KCNS2: variants seen among roughly 807,000 people sequenced by gnomAD.
KCNS2 encodes potassium voltage-gated channel modifier subfamily S member 2, also known as delayed-rectifier potassium channel regulatory subunit KCNS2.
Under a neutral mutation model 28.3 loss-of-function variants are expected in KCNS2, and 15 were observed. The ratio of observed to expected loss-of-function variants is 0.53; its 90% CI spans 0.35 to 0.82. KCNS2 has a LOEUF of 0.82. Among genes scored for constraint, KCNS2 ranks in the 40% least tolerant of loss-of-function variants. The probability of loss-of-function intolerance (pLI) is 0.01; values close to 1 mark genes in which losing one functional copy is unlikely to be tolerated. For missense variants in KCNS2, 501 were observed against 617.1 expected (o/e 0.81, Z 1.99); for synonymous variants, 254 against 256.7 (o/e 0.99, Z 0.10).
rs888298701 is a variant in KCNS2, at chr8:98,427,246, C to A, written c.-126C>A. The A allele has an allele frequency of 2.6e-5, 4 of 151,262 alleles. No homozygotes were observed. The highest frequency in any genetic ancestry group is 4.8e-5 in the African/African-American group (2 of 41,316). The allele number at this position is 151,262 out of a possible 1,614,324, so 9.4% of individuals were successfully genotyped here. ...CTCGCACCCGCGCACGCACCGCCAG[C>A]AGGCAGCGGCCACCGCCGCGATGCT... On this transcript the variant is annotated 5_prime_UTR_variant, in exon 1 of 2. Coordinates refer to ENST00000287042, the MANE Select transcript of KCNS2 (RefSeq NM_020697.4).
In KCNS2 at chr8:98,428,697, T is replaced by C. The variant is rs1441866449; in HGVS notation, c.718T>C (p.Phe240Leu). 3 of 1,614,096 alleles carry C rather than the reference T, an allele frequency of 1.9e-6. No individual in the cohort carries two copies. The highest frequency in any genetic ancestry group is 1.7e-6 in the Non-Finnish European group (2 of 1,180,052). The change falls in exon 2 of 2, where the codon TTT (phenylalanine) becomes CTT (leucine). Residue 240 changes from phenylalanine (F) to leucine (L), a missense_variant. Transcript: ENST00000287042. The surrounding 1 kb of genome is among the most constrained non-coding windows in gnomAD (Gnocchi z 6.7). ...GCACTTTGGCATTGCCTGGTTCACATTTGAGCTGGTGGCCAGGTTTGCTGT... is the reference window on the plus strand; with the variant it reads ...GCACTTTGGCATTGCCTGGTTCACACTTGAGCTGGTGGCCAGGTTTGCTGT... ...VEHFGIAWFTFELVARFAVAP... is the reference protein window; with the variant it reads ...VEHFGIAWFTLELVARFAVAP...
rs1818339737 is a variant in KCNS2, at chr8:98,431,918, G to A, written c.*2505G>A. 6.0e-6 allele frequency: 1 copy of A among 167,076 alleles called. No individual in the cohort carries two copies. Among genetic ancestry groups the A allele is most frequent in the Admixed American group, 6.5e-5 (1 of 15,280 alleles). 10.3% of individuals were successfully genotyped at this position (167,076 alleles called of 1,614,324 possible). A position where few individuals can be genotyped will look rare whatever the true frequency, so the allele number is the denominator to read the frequency against. ...TTTACTCACTTCTGAGCATGAGAAT[G>A]TCCCAATAGCATTGAGTTTTTCAAG... On this transcript the variant is annotated 3_prime_UTR_variant, in exon 2 of 2. Coordinates refer to ENST00000287042, the MANE Select transcript of KCNS2 (RefSeq NM_020697.4).
rs760414695 is a variant in KCNS2 at position 98,428,031 on chromosome 8, G to C, written c.52G>C (p.Glu18Gln). Residue 18 changes from glutamate (E) to glutamine (Q), a missense_variant, in exon 2 of 2, where the codon GAG (glutamate) becomes CAG (glutamine). Physicochemically the swap from Glu to Gln is conservative, Grantham distance 29. Transcript: ENST00000287042. The surrounding 1 kb of genome is among the most constrained non-coding windows in gnomAD (Gnocchi z 6.7). ...GTCGGAGGCTAACGTCGAGGACGGG[G>C]AGATCCGCATCAATGTGGGCGGCTT... ...DVSEANVEDGEIRINVGGFKR... is the reference protein window; with the variant it reads ...DVSEANVEDGQIRINVGGFKR... The C allele has an allele frequency of 6.2e-7, 1 of 1,606,694 alleles. No individual in the cohort carries two copies. Among genetic ancestry groups the C allele is most frequent in the South Asian group, 1.1e-5 (1 of 90,270 alleles).
chr8:98,428,295 G>C lies in KCNS2; in HGVS notation c.316G>C (p.Glu106Gln), dbSNP rs373045610. 1 of 1,614,104 alleles carries C rather than the reference G, an allele frequency of 6.2e-7. No individual in the cohort carries two copies. The highest frequency in any genetic ancestry group is 2.2e-5 in the East Asian group (1 of 44,880). Residue 106 changes from glutamate (E) to glutamine (Q), a missense_variant, in exon 2 of 2, where the codon GAG becomes CAG. Physicochemically the swap from Glu to Gln is conservative, Grantham distance 29 (BLOSUM62 2). Transcript: ENST00000287042. This position sits in a 1 kb window ranked among gnomAD's most constrained non-coding sequence, Gnocchi z 6.7. ...LCVFSFSQEI[E>Q]YWGINEFFID... ...TGTCTTCTCCTTCAGCCAGGAGATC[G>C]AGTACTGGGGCATCAACGAGTTCTT...
In KCNS2 at chr8:98,428,206, A is replaced by G; in HGVS notation, c.227A>G (p.Glu76Gly). ...QREFYFDRNP[E>G]LFPYVLHFYH... ...GAGTTCTACTTCGACCGCAACCCTG[A>G]GCTCTTCCCCTACGTGCTGCATTTC... Residue 76 changes from glutamate (E) to glycine (G), a missense_variant, in exon 2 of 2, where the codon GAG becomes GGG. Coordinates refer to ENST00000287042, the MANE Select transcript of KCNS2 (RefSeq NM_020697.4). The surrounding 1 kb of genome is among the most constrained non-coding windows in gnomAD (Gnocchi z 6.7). 9 of 1,613,802 alleles carry G rather than the reference A, an allele frequency of 5.6e-6. No individual in the cohort carries two copies. The highest frequency in any genetic ancestry group is 7.6e-6 in the Non-Finnish European group (9 of 1,179,940).
At position 98,427,902 on chromosome 8, in the gene KCNS2, C is replaced by T. The variant is rs1339981145; in HGVS notation, c.-42-36C>T. On this transcript the variant is annotated intron_variant, in intron 1 of 1. Transcript: ENST00000287042. ...GGAGAGGGGGCCCCGCCAGGGCGCA[C>T]GGCGCTCTCGCCGACGCTGTTCCCT... The T allele has an allele frequency of 1.6e-5, 20 of 1,276,408 alleles. No individual in the cohort carries two copies. In the East Asian group the frequency reaches 3.1e-4, roughly 20 times the overall value. 79.1% of individuals were successfully genotyped at this position (1,276,408 alleles called of 1,614,324 possible).
In KCNS2 at chr8:98,428,322, A is replaced by G; in HGVS notation, c.343A>G (p.Ile115Val). 1 of 1,614,102 alleles carries G rather than the reference A, an allele frequency of 6.2e-7. No homozygotes were observed. The highest frequency in any genetic ancestry group is 8.5e-7 in the Non-Finnish European group (1 of 1,180,016). ...IEYWGINEFF[I>V]DSCCSYSYHG... is the part of the protein sequence containing the mutation. ...GTACTGGGGCATCAACGAGTTCTTC[A>G]TTGACTCCTGCTGCAGCTACAGCTA... Residue 115 changes from isoleucine (I) to valine (V), a missense_variant, in exon 2 of 2, where the codon ATT (isoleucine) becomes GTT (valine). Transcript: ENST00000287042. This position sits in a 1 kb window ranked among gnomAD's most constrained non-coding sequence, Gnocchi z 6.7.
chr8:98,428,301 T>A lies in KCNS2; in HGVS notation c.322T>A (p.Trp108Arg). 6.2e-7 allele frequency: 1 copy of A among 1,614,150 alleles called. No individual in the cohort carries two copies. ...VFSFSQEIEY[W>R]GINEFFIDSC... ...CTCCTTCAGCCAGGAGATCGAGTAC[T>A]GGGGCATCAACGAGTTCTTCATTGA... The change falls in exon 2 of 2, where the codon TGG becomes AGG. Residue 108 changes from tryptophan to arginine, a missense_variant. Transcript: ENST00000287042. This position sits in a 1 kb window ranked among gnomAD's most constrained non-coding sequence, Gnocchi z 6.7.
Position 98,428,517 on chromosome 8 carries a change from C to T in KCNS2, c.538C>T (p.Pro180Ser). Residue 180 changes from proline (P) to serine (S), a missense_variant, in exon 2 of 2, where the codon CCC becomes TCC. Coordinates refer to ENST00000287042, the MANE Select transcript of KCNS2 (RefSeq NM_020697.4). The surrounding 1 kb of genome is among the most constrained non-coding windows in gnomAD (Gnocchi z 6.7). ...RRQLWLALDN[P>S]GYSVLSRVFS... ...GCAGCTGTGGCTGGCGCTGGACAAC[C>T]CCGGCTACTCAGTGCTGAGCAGGGT... 1.9e-6 allele frequency: 3 copies of T among 1,614,176 alleles called. No homozygotes were observed. Among genetic ancestry groups the T allele is most frequent in the Non-Finnish European group, 2.5e-6 (3 of 1,180,034 alleles).
intron 1 of KCNS2, 139 bp from the exon 2 acceptor site, chr8:98,427,799 C>T (rs941451595): frequency 1.5e-5 from 9 of 583,726 alleles, no homozygotes; most frequent in African/African-American, 1.5e-4. Flanking sequence ...GGGATCAGAC[C>T]CCTCAAACTC....
rs1818306923 is a variant in KCNS2, at chr8:98,430,100, T to C, written c.*687T>C. ...ATGTCACTCTTTAGAGAATGTTACTTAGTTAAACATGCAGTGAAGATCGAA... is the reference window on the plus strand; with the variant it reads ...ATGTCACTCTTTAGAGAATGTTACTCAGTTAAACATGCAGTGAAGATCGAA... On this transcript the variant is annotated 3_prime_UTR_variant, in exon 2 of 2. Transcript: ENST00000287042. 6.0e-6 allele frequency: 1 copy of C among 167,028 alleles called. No homozygotes were observed. Among genetic ancestry groups the C allele is most frequent in the Non-Finnish European group, 1.5e-5 (1 of 68,140 alleles). 10.3% of individuals were successfully genotyped at this position (167,028 alleles called of 1,614,324 possible).
rs920648644 is a variant in KCNS2 at position 98,431,399 on chromosome 8, A to C, written c.*1986A>C. The C allele has an allele frequency of 6.0e-6, 1 of 167,106 alleles. No individual in the cohort carries two copies. Among genetic ancestry groups the C allele is most frequent in the Non-Finnish European group, 1.5e-5 (1 of 68,142 alleles). The allele number at this position is 167,106 out of a possible 1,614,324, so 10.4% of individuals were successfully genotyped here. ...TGAGATGACTTAGAGGCAACTGGGC[A>C]CTGAATCAGAGGAGCAGAGTTATTT... On this transcript the variant is annotated 3_prime_UTR_variant, in exon 2 of 2. Coordinates refer to ENST00000287042, the MANE Select transcript of KCNS2 (RefSeq NM_020697.4).
Position 98,428,376 on chromosome 8 carries a change from G to A in KCNS2, c.397G>A (p.Glu133Lys). 6.2e-7 allele frequency: 1 copy of A among 1,614,154 alleles called. No homozygotes were observed. Among genetic ancestry groups the A allele is most frequent in the Non-Finnish European group, 8.5e-7 (1 of 1,180,022 alleles). ...TGGCCGCAAAGTAGAGCCCGAGCAG[G>A]AGAAGTGGGACGAGCAGAGTGACCA... Reference protein sequence around the residue: ...YHGRKVEPEQEKWDEQSDQES... With the variant: ...YHGRKVEPEQKKWDEQSDQES... The change falls in exon 2 of 2, where the codon GAG becomes AAG. Residue 133 changes from glutamate (E) to lysine (K), a missense_variant. Coordinates refer to ENST00000287042, the MANE Select transcript of KCNS2 (RefSeq NM_020697.4). This position sits in a 1 kb window ranked among gnomAD's most constrained non-coding sequence, Gnocchi z 6.7.
At position 98,429,232 on chromosome 8, in the gene KCNS2, G is replaced by T; in HGVS notation, c.1253G>T (p.Arg418Leu). The T allele has an allele frequency of 6.2e-7, 1 of 1,613,956 alleles. No homozygotes were observed. The highest frequency in any genetic ancestry group is 8.5e-7 in the Non-Finnish European group (1 of 1,180,020). ...LIFNKFSHFY[R>L]RQKQLESAMR... is the part of the protein sequence containing the mutation. ...TTCAATAAGTTCTCCCACTTTTACC[G>T]GCGCCAAAAGCAACTTGAGAGTGCC... Residue 418 changes from arginine to leucine, a missense_variant, in exon 2 of 2, where the codon CGG (arginine) becomes CTG (leucine). Physicochemically the swap from Arg to Leu is moderately radical, Grantham distance 102 (BLOSUM62 -2). Coordinates refer to ENST00000287042, the MANE Select transcript of KCNS2 (RefSeq NM_020697.4).
In KCNS2 at chr8:98,429,439, C is replaced by T. The variant is rs115056651; in HGVS notation, c.*26C>T. 5.9e-6 allele frequency: 9 copies of T among 1,522,516 alleles called. No homozygotes were observed. The South Asian group carries it at 9.4e-5, about 16-fold the overall frequency. The allele number at this position is 1,522,516 out of a possible 1,614,324, so 94.3% of individuals were successfully genotyped here. ...CCGGGAGGACTTGTCACCCTCCACC[C>T]CACATTGCTGAGCTGCCTCTTGTGC... On this transcript the variant is annotated 3_prime_UTR_variant, in exon 2 of 2. Coordinates refer to ENST00000287042, the MANE Select transcript of KCNS2 (RefSeq NM_020697.4).
chr8:98,428,817 G>A lies in KCNS2; in HGVS notation c.838G>A (p.Val280Met). The change falls in exon 2 of 2, where the codon GTG becomes ATG. Residue 280 changes from valine to methionine, a missense_variant. Coordinates refer to ENST00000287042, the MANE Select transcript of KCNS2 (RefSeq NM_020697.4). This position sits in a 1 kb window ranked among gnomAD's most constrained non-coding sequence, Gnocchi z 6.7. ...TTACATCACTCTGGTGGTGAACCTGGTGGTGGAGAGCACACCTACTTTAGC... is the reference window on the plus strand; with the variant it reads ...TTACATCACTCTGGTGGTGAACCTGATGGTGGAGAGCACACCTACTTTAGC... ...PFYITLVVNL[V>M]VESTPTLANL... 2 of 1,614,182 alleles carry A rather than the reference G, an allele frequency of 1.2e-6. No homozygotes were observed. Among genetic ancestry groups the A allele is most frequent in the South Asian group, 1.1e-5 (1 of 91,072 alleles).
In KCNS2 at chr8:98,428,450, C is replaced by T. The variant is rs762692688; in HGVS notation, c.471C>T (p.Asp157=). ...SFDEILAFYN[D]ASKFDGQPLG... is the part of the protein sequence containing the mutation. ...ATGAGATCCTTGCCTTCTACAACGA[C>T]GCCTCCAAGTTCGATGGGCAGCCCC... Residue 157 remains aspartate (D), a synonymous_variant, in exon 2 of 2, where the codon GAC becomes GAT. Coordinates refer to ENST00000287042, the MANE Select transcript of KCNS2 (RefSeq NM_020697.4). This position sits in a 1 kb window ranked among gnomAD's most constrained non-coding sequence, Gnocchi z 6.7. 23 of 1,614,018 alleles carry T rather than the reference C, an allele frequency of 1.4e-5. No homozygotes were observed. Among genetic ancestry groups the T allele is most frequent in the East Asian group, 4.5e-5 (2 of 44,876 alleles).
chr8:98,430,507 A>C lies in KCNS2; in HGVS notation c.*1094A>C, dbSNP rs568560755. 1 of 167,202 alleles carries C rather than the reference A, an allele frequency of 6.0e-6. No homozygotes were observed. The highest frequency in any genetic ancestry group is 2.4e-5 in the African/African-American group (1 of 41,560). The allele number at this position is 167,202 out of a possible 1,614,324, so 10.4% of individuals were successfully genotyped here. On this transcript the variant is annotated 3_prime_UTR_variant, in exon 2 of 2. Coordinates refer to ENST00000287042, the MANE Select transcript of KCNS2 (RefSeq NM_020697.4). ...GTTGCCTACTCTGAAAGCTCATCAA[A>C]TGAGAGCCCTTTTATTTCCAAGCAG...
chr8:98,428,829 A>G lies in KCNS2; in HGVS notation c.850A>G (p.Thr284Ala), dbSNP rs143746607. 1.5e-3 allele frequency: 2,352 copies of G among 1,614,120 alleles called. 8 individuals are homozygous for G. Among genetic ancestry groups the G allele is most frequent in the Middle Eastern group, 3.0e-3 (18 of 6,062 alleles). Residue 284 changes from threonine (T) to alanine (A), a missense_variant, in exon 2 of 2, where the codon ACA becomes GCA. Thr to Ala is a moderately conservative substitution (Grantham distance 58). Coordinates refer to ENST00000287042, the MANE Select transcript of KCNS2 (RefSeq NM_020697.4). The surrounding 1 kb of genome is among the most constrained non-coding windows in gnomAD (Gnocchi z 6.7). ...GGTGGTGAACCTGGTGGTGGAGAGC[A>G]CACCTACTTTAGCCAACTTGGGCAG... ...TLVVNLVVES[T>A]PTLANLGRVA...
Sources: gnomAD v4.1 joint callset for allele counts on GRCh38, gnomAD v4.1.1 for gene constraint, Gnocchi (gnomAD v3.1) non-coding constraint, MANE v1.5 for transcripts, NCBI Gene and HGNC (gene_info 2026-07-23, HGNC 2026-07-21) for gene names.